Variants in TMEM51 observed in about 807,000 individuals in gnomAD.
TMEM51 encodes the protein transmembrane protein 51.
Under a neutral mutation model 13.6 loss-of-function variants are expected in TMEM51, and 8 were observed. The observed-to-expected ratio is 0.59, with a 90% confidence interval of 0.35 to 1.07. The LOEUF (loss-of-function observed/expected upper bound fraction) is 1.07. Among genes scored for constraint, TMEM51 ranks in the 50% least tolerant of loss-of-function variants. The pLI, the probability that TMEM51 is intolerant of heterozygous loss-of-function variation, is 0.02. For synonymous variants in TMEM51, 147 were observed against 144.4 expected (o/e 1.02, Z -0.13); for missense variants, 279 against 330.7 (o/e 0.84, Z 1.21).
intron 1 of TMEM51, among the ~76,000 whole-genome samples, chr1:15,195,856 G>T (rs1644037016): frequency 6.6e-6 from 1 of 152,154 alleles, no homozygotes; most frequent in Non-Finnish European, 1.5e-5. Flanking sequence ...AGGATTCCCA[G>T]GAGACGTGGC....
At chr1:15,197,722 C>T (rs998577188) in intron 1 of TMEM51, among the ~76,000 whole-genome samples, 3 of 152,222 alleles carry the variant, frequency 2.0e-5, no homozygotes, top group Non-Finnish European at 2.9e-5. Context: ...GAAACCGAGG[C>T]TCTCAGTGGT....
At chr1:15,206,687 G>A (rs2100332134) in intron 1 of TMEM51, among the ~76,000 whole-genome samples, 1 of 152,322 alleles carries the variant, frequency 6.6e-6, no homozygotes, top group South Asian at 2.1e-4. Flanking sequence ...ATCAGCTGCT[G>A]CTGATTTCAT....
At chr1:15,176,113 G>A (rs543403062) in intron 1 of TMEM51, among the ~76,000 whole-genome samples, 2 of 152,292 alleles carry the variant, frequency 1.3e-5, no homozygotes, top group South Asian at 4.1e-4. Context: ...TGTGAGAACA[G>A]GCCTTTGGCT....
Position 15,180,289 on chromosome 1 carries a change from G to A in TMEM51, c.-267+26335G>A, listed in dbSNP as rs183605367. On this transcript the variant is annotated intron_variant, in intron 1 of 3. Transcript: ENST00000376008. The stretch of plus-strand genomic sequence containing the variant: ...CTGGTCCCAGGGCTGTCTCCTGATC[G>A]TCAGCAAGACCAGCTCTAAGCTATG... Among the ~76,000 whole-genome samples the A allele has an allele frequency of 4.0e-3, 611 of 152,254 alleles. 3 individuals are homozygous for A. Among genetic ancestry groups the A allele is most frequent in the African/African-American group, 0.014 (580 of 41,490 alleles).
upstream of TMEM51, among the ~76,000 whole-genome samples, chr1:15,153,123 G>A (rs1007842827): frequency 6.6e-6 from 1 of 152,206 alleles, no homozygotes; most frequent in Admixed American, 6.5e-5. Context: ...AGCTGACTCA[G>A]TTTTTAAAAA....
Position 15,219,763 on chromosome 1 carries a change from G to T in TMEM51, c.*20G>T. ...GACTGAATGGCCCCACTTGAGCCAC[G>T]CTCCCTCCTGTCTCTCACACCTTTC... On this transcript the variant is annotated 3_prime_UTR_variant, in exon 4 of 4. Transcript: ENST00000376008. The T allele has an allele frequency of 6.2e-7, 1 of 1,607,552 alleles. No individual in the cohort carries two copies. The highest frequency in any genetic ancestry group is 8.5e-7 in the Non-Finnish European group (1 of 1,176,996).
rs540228605 is a variant in TMEM51, at chr1:15,161,173, G to T, written c.-267+7219G>T. On this transcript the variant is annotated intron_variant, in intron 1 of 3. Transcript: ENST00000376008. This position sits in a 1 kb window ranked among gnomAD's most constrained non-coding sequence, Gnocchi z 4.0. Reference sequence around the variant, plus strand: ...GCTGCACTCAGGGCAGATGCTGAAGGCAGAGGTGGAAAAAGTATTTTATAT... The same window carrying T: ...GCTGCACTCAGGGCAGATGCTGAAGTCAGAGGTGGAAAAAGTATTTTATAT... 6.6e-6 allele frequency among the ~76,000 whole-genome samples: 1 copy of T among 152,208 alleles called. No individual in the cohort carries two copies. Among genetic ancestry groups the T allele is most frequent in the East Asian group, 1.9e-4 (1 of 5,194 alleles).
At chr1:15,159,886 C>T (rs2100810623) in intron 1 of TMEM51, among the ~76,000 whole-genome samples, 1 of 152,300 alleles carries the variant, frequency 6.6e-6, no homozygotes, top group African/African-American at 2.4e-5. Context: ...GCTTCCCAGG[C>T]CCATCCCCTG....
chr1:15,207,976 A>C lies in TMEM51; in HGVS notation c.-266-2514A>C, dbSNP rs1035288052. On this transcript the variant is annotated intron_variant, in intron 1 of 3. Transcript: ENST00000376008. This position sits in a 1 kb window ranked among gnomAD's most constrained non-coding sequence, Gnocchi z 4.6. ...CTCATTGATATGAGACATTGGTTCA[A>C]CTTTTAAACTTGCCAGGTATTCATT... Among the ~76,000 whole-genome samples, 4 of 152,170 alleles carry C rather than the reference A, an allele frequency of 2.6e-5. No homozygotes were observed. Among genetic ancestry groups the C allele is most frequent in the African/African-American group, 9.7e-5 (4 of 41,444 alleles).
At position 15,210,509 on chromosome 1, in the gene TMEM51, C is replaced by G. The variant is rs1010771580; in HGVS notation, c.-247C>G. 1.3e-5 allele frequency: 2 copies of G among 152,206 alleles called. No individual in the cohort carries two copies. The highest frequency in any genetic ancestry group is 2.9e-5 in the Non-Finnish European group (2 of 68,040). 9.4% of individuals were successfully genotyped at this position (152,206 alleles called of 1,614,324 possible). ...TTATAGGTGGATCTTTAACTCAAGACTAGCATGAAGAGTTGCCTTCTGGCC... is the reference window on the plus strand; with the variant it reads ...TTATAGGTGGATCTTTAACTCAAGAGTAGCATGAAGAGTTGCCTTCTGGCC... On this transcript the variant is annotated 5_prime_UTR_variant, in exon 2 of 4. Coordinates refer to ENST00000376008, the MANE Select transcript of TMEM51 (RefSeq NM_001136218.2).
intron 1 of TMEM51, among the ~76,000 whole-genome samples, chr1:15,197,668 C>T (rs2100298601): frequency 8.3e-6 from 1 of 120,048 alleles, no homozygotes; most frequent in Non-Finnish European, 1.8e-5. Context: ...GCTCTGTGTA[C>T]TCTCTTGTCG....
At chr1:15,202,136 T>G (rs1644166956) in intron 1 of TMEM51, among the ~76,000 whole-genome samples, 1 of 152,184 alleles carries the variant, frequency 6.6e-6, no homozygotes, top group Admixed American at 6.5e-5. Context: ...TAAACTTGGC[T>G]CGTTAGCAGA....
intron 1 of TMEM51, among the ~76,000 whole-genome samples, chr1:15,155,739 G>C (rs6429713): frequency 0.7 from 107,066 of 151,988 alleles, 39,927 homozygotes; most frequent in East Asian, 0.96. Flanking sequence ...TCCGGAGTGA[G>C]CTGGACTGGA....
chr1:15,172,100 G>A (rs1643297667), intron 1 of TMEM51, among the ~76,000 whole-genome samples: 1 of 152,198 alleles, frequency 6.6e-6, no homozygotes, highest in South Asian at 2.1e-4. Flanking sequence ...ACTCTGTCCA[G>A]GCACAGTGGC....
intron 1 of TMEM51, among the ~76,000 whole-genome samples, chr1:15,193,814 C>T (rs1253372413): frequency 6.6e-6 from 1 of 152,196 alleles, no homozygotes; most frequent in Non-Finnish European, 1.5e-5. Context: ...GCCTTGGCCT[C>T]CCAGAGTGCT....
chr1:15,158,276 C>T (rs1642653564), intron 1 of TMEM51, among the ~76,000 whole-genome samples: 2 of 152,198 alleles, frequency 1.3e-5, no homozygotes, highest in African/African-American at 2.4e-5. Flanking sequence ...CAATTCACCA[C>T]TGTGGGAGTC....
chr1:15,184,833 G>A (rs1643722654), intron 1 of TMEM51, among the ~76,000 whole-genome samples: 1 of 120,918 alleles, frequency 8.3e-6, no homozygotes, highest in African/African-American at 3.2e-5. Flanking sequence ...GGGACATTTG[G>A]CAATGTCTAG....
intron 1 of TMEM51, among the ~76,000 whole-genome samples, chr1:15,158,986 TCTC>T (rs889825132): frequency 6.6e-6 from 1 of 152,168 alleles, no homozygotes; most frequent in African/African-American, 2.4e-5. Flanking sequence ...TAAAAACGTC[TCTC>T]CTCCTGCATG....
chr1:15,208,987 G>A (rs190542213), intron 1 of TMEM51, among the ~76,000 whole-genome samples: 13 of 151,944 alleles, frequency 8.6e-5, no homozygotes, highest in African/African-American at 2.4e-4. Flanking sequence ...ATAATAAAAC[G>A]CTCATGTACC....
Sources: gnomAD v4.1 joint callset for allele counts (sites outside exome capture counted in the v4.1 genomes callset) on GRCh38, gnomAD v4.1.1 for gene constraint, Gnocchi (gnomAD v3.1) non-coding constraint, MANE v1.5 for transcripts, NCBI Gene and HGNC (gene_info 2026-07-23, HGNC 2026-07-21) for gene names.